Variants in TRHDE observed in about 807,000 individuals in gnomAD.
TRHDE encodes thyrotropin releasing hormone degrading enzyme, also known as thyrotropin-releasing hormone-degrading ectoenzyme.
TRHDE carries 72 observed loss-of-function variants against 125.7 expected under a neutral mutation model. The ratio of observed to expected loss-of-function variants is 0.57; its 90% CI spans 0.47 to 0.70. TRHDE has a LOEUF of 0.70. TRHDE is among the 30% of genes least tolerant of loss of function. The pLI, the probability that TRHDE is intolerant of heterozygous loss-of-function variation, is 0.00. For missense variants in TRHDE, 1,110 were observed against 1,327.1 expected (o/e 0.84, Z 2.54); for synonymous variants, 509 against 509.1 (o/e 1.00, Z 0.00).
At chr12:72,638,986 G>C (rs1471684092) in intron 15 of TRHDE, among the ~76,000 whole-genome samples, 1 of 151,128 alleles carries the variant, frequency 6.6e-6, no homozygotes, top group African/African-American at 2.4e-5. Flanking sequence ...ATGTGTCTTG[G>C]AGTTGCTCTT....
intron 1 of TRHDE, among the ~76,000 whole-genome samples, chr12:72,282,951 T>G (rs958059086): frequency 6.6e-6 from 1 of 152,174 alleles, no homozygotes; most frequent in Non-Finnish European, 1.5e-5. Context: ...CTAAAGATCC[T>G]TCAAGGCACA....
intron 2 of TRHDE, among the ~76,000 whole-genome samples, chr12:72,345,547 A>C (rs1298219204): frequency 1.3e-5 from 2 of 152,158 alleles, no homozygotes; most frequent in East Asian, 3.9e-4. Context: ...CATGTAATTT[A>C]TTTTTAATAA....
chr12:72,390,200 C>T (rs1872568488), intron 3 of TRHDE, among the ~76,000 whole-genome samples: 1 of 152,088 alleles, frequency 6.6e-6, no homozygotes, highest in South Asian at 2.1e-4. Flanking sequence ...ATCAATATAG[C>T]AAGATACGTA....
intron 2 of TRHDE, among the ~76,000 whole-genome samples, chr12:72,144,631 G>C (rs1042399410): frequency 6.6e-6 from 1 of 152,044 alleles, no homozygotes; most frequent in Non-Finnish European, 1.5e-5. Context: ...TGAAGTCCCT[G>C]GGCTTGAATT....
chr12:72,092,099 C>T lies in TRHDE; in HGVS notation n.174+4660C>T, dbSNP rs117814397. Among the ~76,000 whole-genome samples, 333 of 152,274 alleles carry T rather than the reference C, an allele frequency of 2.2e-3. 1 individual carries two copies. The highest frequency in any genetic ancestry group is 5.0e-3 in the Admixed American group (77 of 15,298). ...TGATGGTCTCAACTAGCAGCAGTGG[C>T]GGTTGGCCACAGAATATCTGATCTT... On this transcript the variant is annotated intron_variant and non_coding_transcript_variant, in intron 1 of 4. Transcript: ENST00000548156.
intron 2 of TRHDE, among the ~76,000 whole-genome samples, chr12:72,182,328 A>T (rs554114144): frequency 1.3e-5 from 2 of 152,318 alleles, no homozygotes; most frequent in South Asian, 4.1e-4. Context: ...TGTTTGAATT[A>T]AGAGCTGTAG....
chr12:72,176,857 G>T (rs1272705168), intron 2 of TRHDE, among the ~76,000 whole-genome samples: 1 of 152,136 alleles, frequency 6.6e-6, no homozygotes, highest in Non-Finnish European at 1.5e-5. Flanking sequence ...GGTTGCTGTG[G>T]ATTTATTTAG....
intron 2 of TRHDE, among the ~76,000 whole-genome samples, chr12:72,336,848 C>A (rs1484603235): frequency 6.6e-6 from 1 of 152,140 alleles, no homozygotes; most frequent in Non-Finnish European, 1.5e-5. Context: ...CGCTCATAAC[C>A]TAGTGACCAC....
intron 2 of TRHDE, among the ~76,000 whole-genome samples, chr12:72,215,052 G>A (rs937484967): frequency 2.0e-5 from 3 of 152,150 alleles, no homozygotes; most frequent in African/African-American, 4.8e-5. Flanking sequence ...CTTTGTGTGA[G>A]CAATAAAGTT....
intron 11 of TRHDE, 39 bp downstream of exon 11, chr12:72,575,427 A>G (rs375174391): frequency 5.0e-6 from 8 of 1,613,398 alleles, no homozygotes; most frequent in East Asian, 2.2e-5. Flanking sequence ...AATTTTTGGT[A>G]TGTGAACACC....
At chr12:72,339,572 A>G (rs1869987828) in intron 2 of TRHDE, among the ~76,000 whole-genome samples, 1 of 152,002 alleles carries the variant, frequency 6.6e-6, no homozygotes, top group Non-Finnish European at 1.5e-5. Context: ...TTGCTCTCAT[A>G]GTTATGTTTC....
intron 3 of TRHDE, among the ~76,000 whole-genome samples, chr12:72,429,767 C>A (rs954482294): frequency 2.6e-5 from 4 of 152,026 alleles, no homozygotes; most frequent in Non-Finnish European, 5.9e-5. Flanking sequence ...CATCCGATGG[C>A]TAATGATGTT....
intron 3 of TRHDE, among the ~76,000 whole-genome samples, chr12:72,449,380 T>C (rs1271590666): frequency 6.6e-6 from 1 of 152,030 alleles, no homozygotes; most frequent in Non-Finnish European, 1.5e-5. Context: ...AAATGTTGTT[T>C]ATTTAGTATT....
chr12:72,133,702 A>G (rs1023002535), intron 2 of TRHDE, among the ~76,000 whole-genome samples: 4 of 152,312 alleles, frequency 2.6e-5, no homozygotes, highest in Non-Finnish European at 5.9e-5. Context: ...AAGGCTGCCC[A>G]TCTCCTGACC....
chr12:72,589,369 G>A (rs1442768140), intron 12 of TRHDE, among the ~76,000 whole-genome samples: 1 of 151,654 alleles, frequency 6.6e-6, no homozygotes, highest in South Asian at 2.1e-4. Context: ...TTAAGTTCTG[G>A]GATACATGTG....
At chr12:72,517,239 C>G (rs1163311212) in intron 6 of TRHDE, among the ~76,000 whole-genome samples, 2 of 151,258 alleles carry the variant, frequency 1.3e-5, no homozygotes. Context: ...CTCCTTGTAC[C>G]TCTGGTAGAA....
At chr12:72,361,193 T>C (rs1203480874) in intron 2 of TRHDE, among the ~76,000 whole-genome samples, 1 of 151,924 alleles carries the variant, frequency 6.6e-6, no homozygotes, top group Non-Finnish European at 1.5e-5. Context: ...TAAAGCTTTT[T>C]TTTGTGCCCT....
At chr12:72,654,766 G>A (rs1452923822) in intron 17 of TRHDE, among the ~76,000 whole-genome samples, 1 of 151,998 alleles carries the variant, frequency 6.6e-6, no homozygotes, top group Admixed American at 6.6e-5. Context: ...TCTAAAGTTT[G>A]TTGAATTATT....
chr12:72,472,338 G>A lies in TRHDE; in HGVS notation c.1471-729G>A, dbSNP rs188433218. 9.2e-5 allele frequency among the ~76,000 whole-genome samples: 14 copies of A among 152,076 alleles called. No homozygotes were observed. In the South Asian group the frequency reaches 1.0e-3, roughly 11 times the overall value. Reference sequence around the variant, plus strand: ...TTAATAAGAAAAGAATTCCTTTAACGTTTTCCTGAACTAAGCAAGTTTCAG... The same window carrying A: ...TTAATAAGAAAAGAATTCCTTTAACATTTTCCTGAACTAAGCAAGTTTCAG... On this transcript the variant is annotated intron_variant, in intron 4 of 18. Transcript: ENST00000261180.
Sources: gnomAD v4.1 joint callset for allele counts (sites outside exome capture counted in the v4.1 genomes callset) on GRCh38, gnomAD v4.1.1 for gene constraint, MANE v1.5 for transcripts, NCBI Gene and HGNC (gene_info 2026-07-23, HGNC 2026-07-21) for gene names.